Variants in TMEM232 observed in about 807,000 individuals in gnomAD.
TMEM232 encodes the protein transmembrane protein 232.
TMEM232 carries 80 observed loss-of-function variants against 78.8 expected under a neutral mutation model. The observed-to-expected ratio is 1.01, with a 90% confidence interval of 0.85 to 1.22. The LOEUF (loss-of-function observed/expected upper bound fraction) is 1.22, where lower values mean the gene tolerates loss of function less well. Among genes scored for constraint, TMEM232 ranks in the 50% most tolerant of loss-of-function variants. The pLI, the probability that TMEM232 is intolerant of heterozygous loss-of-function variation, is 0.00. For missense variants in TMEM232, 881 were observed against 742.2 expected (o/e 1.19, Z -2.17); for synonymous variants, 297 against 254.3 (o/e 1.17, Z -1.60).
At chr5:110,522,196 T>C (rs1317647242) in intron 12 of TMEM232, among the ~76,000 whole-genome samples, 2 of 152,198 alleles carry the variant, frequency 1.3e-5, no homozygotes, top group Non-Finnish European at 2.9e-5. Flanking sequence ...TAAATGTAAC[T>C]GTTTTCCTAA....
chr5:110,638,444 T>A, intron 4 of TMEM232, 89 bp from the exon 5 acceptor site: 1 of 1,260,878 alleles, frequency 7.9e-7, no homozygotes, highest in Admixed American at 2.8e-5. Flanking sequence ...TTATTTCCTG[T>A]CATTAAGACC....
At chr5:110,552,704 T>C (rs1774613871) in intron 11 of TMEM232, among the ~76,000 whole-genome samples, 1 of 152,116 alleles carries the variant, frequency 6.6e-6, no homozygotes, top group African/African-American at 2.4e-5. Flanking sequence ...TCAAGAGAAA[T>C]ATGAAACCTA....
At chr5:110,518,793 A>G (rs2149492695) in intron 12 of TMEM232, among the ~76,000 whole-genome samples, 1 of 152,334 alleles carries the variant, frequency 6.6e-6, no homozygotes, top group South Asian at 2.1e-4. Flanking sequence ...TGATTTAGAC[A>G]AATGCCAAGG....
intron 10 of TMEM232, among the ~76,000 whole-genome samples, chr5:110,580,944 T>C (rs926593055): frequency 1.4e-4 from 21 of 151,700 alleles, no homozygotes; most frequent in Non-Finnish European, 3.0e-4. Context: ...TACCTAGGAA[T>C]AGATCTAACC....
rs1230285778 is a variant in TMEM232, at chr5:110,523,966, A to AGGG, written c.1703+4619_1703+4621dup. Among the ~76,000 whole-genome samples, 62 of 41,218 alleles carry AGGG rather than the reference A, an allele frequency of 1.5e-3. 1 individual carries two copies. The highest frequency in any genetic ancestry group is 0.012 in the South Asian group (9 of 764). The allele number at this position is 41,218 out of a possible 152,430, so 27.0% of individuals were successfully genotyped here. A position where few individuals can be genotyped will look rare whatever the true frequency, so the allele number is the denominator to read the frequency against. ...AAAGACTTGGTTTAAAAAAAAAAAA[A>AGGG]GGGGGGGGGGCGGGGGGGCTGGGCC... On this transcript the variant is annotated intron_variant, in intron 12 of 13. Transcript: ENST00000455884.
At chr5:110,667,685 G>T (rs1040515737) in intron 1 of TMEM232, 3 of 163,864 alleles carry the variant, frequency 1.8e-5, no homozygotes, top group African/African-American at 7.2e-5. Context: ...CTGTGCCTCA[G>T]CTTCCTCACC....
At chr5:110,724,248 C>A (rs115885329) in intron 1 of TMEM232, among the ~76,000 whole-genome samples, 2,207 of 152,246 alleles carry the variant, frequency 0.014, 22 homozygotes, top group Non-Finnish European at 0.021. Context: ...TCTTCATATT[C>A]TCACCTCTCT....
chr5:110,575,507 T>C (rs1777471288), intron 10 of TMEM232, among the ~76,000 whole-genome samples: 1 of 151,964 alleles, frequency 6.6e-6, no homozygotes, highest in Non-Finnish European at 1.5e-5. Context: ...TAACTAAAAA[T>C]AATTATTGTG....
At chr5:110,483,094 C>T (rs10434731) in intron 12 of TMEM232, among the ~76,000 whole-genome samples, 14,736 of 151,804 alleles carry the variant, frequency 0.097, 867 homozygotes, top group South Asian at 0.19. Context: ...CTGCATAAAG[C>T]AGTAATTATA....
At chr5:110,553,772 CAG>C (rs1774741727) in intron 11 of TMEM232, among the ~76,000 whole-genome samples, 1 of 152,058 alleles carries the variant, frequency 6.6e-6, no homozygotes, top group Non-Finnish European at 1.5e-5. Context: ...GCAGTAGTGA[CAG>C]TGGGCATCCT....
At position 110,569,368 on chromosome 5, in the gene TMEM232, A is replaced by G. The variant is rs375907702; in HGVS notation, c.1277-743T>C. Among the ~76,000 whole-genome samples, 9 of 152,040 alleles carry G rather than the reference A, an allele frequency of 5.9e-5. 1 individual carries two copies. Among genetic ancestry groups the G allele is most frequent in the East Asian group, 5.8e-4 (3 of 5,164 alleles). On this transcript the variant is annotated intron_variant, in intron 10 of 13. Coordinates refer to ENST00000455884, the MANE Select transcript of TMEM232 (RefSeq NM_001039763.4). Reference sequence around the variant, plus strand: ...ACCTAGATATTGTATATTGCTATGCAGTAATAGGAAGAAAGAATTCCAATT... The same window carrying G: ...ACCTAGATATTGTATATTGCTATGCGGTAATAGGAAGAAAGAATTCCAATT...
At chr5:110,684,618 C>T in intron 1 of TMEM232, among the ~76,000 whole-genome samples, 1 of 152,088 alleles carries the variant, frequency 6.6e-6, no homozygotes, top group African/African-American at 2.4e-5. Flanking sequence ...TCGAGTTATT[C>T]TTTTTAACTA....
At position 110,420,481 on chromosome 5, in the gene TMEM232, A is replaced by C; in HGVS notation, c.*99T>G. On this transcript the variant is annotated 3_prime_UTR_variant, in exon 14 of 14. Transcript: ENST00000455884. ...CTAAACAATACCTCCATTTAATGAC[A>C]AGAAAGTTCTCTTACTATGTAGCTA... is the stretch of plus-strand genomic sequence containing the variant. 1 of 739,694 alleles carries C rather than the reference A, an allele frequency of 1.4e-6. No individual in the cohort carries two copies. The highest frequency in any genetic ancestry group is 1.9e-5 in the African/African-American group (1 of 53,466). The allele number at this position is 739,694 out of a possible 1,614,324, so 45.8% of individuals were successfully genotyped here.
chr5:110,719,821 G>A (rs1363693527), intron 1 of TMEM232, among the ~76,000 whole-genome samples: 2 of 152,068 alleles, frequency 1.3e-5, no homozygotes, highest in Non-Finnish European at 2.9e-5. Flanking sequence ...GTTAAACTGT[G>A]TGCCTCATTC....
downstream of TMEM232, among the ~76,000 whole-genome samples, chr5:110,415,379 G>T (rs977727817): frequency 6.6e-6 from 1 of 151,748 alleles, no homozygotes; most frequent in Non-Finnish European, 1.5e-5. Context: ...TAGTAGAGAT[G>T]GGGTTTCACT....
chr5:110,622,670 A>G (rs936162420), intron 7 of TMEM232, among the ~76,000 whole-genome samples: 28 of 152,114 alleles, frequency 1.8e-4, no homozygotes, highest in Non-Finnish European at 3.8e-4. Flanking sequence ...ATGTGTCTTT[A>G]TAGCAGCATG....
At chr5:110,694,329 A>G (rs910480247) in intron 1 of TMEM232, among the ~76,000 whole-genome samples, 2 of 152,214 alleles carry the variant, frequency 1.3e-5, no homozygotes, top group Non-Finnish European at 2.9e-5. Context: ...AGGAACAACC[A>G]GTACCAGCCA....
chr5:110,459,267 T>C (rs1409110812), intron 12 of TMEM232, among the ~76,000 whole-genome samples: 20 of 152,162 alleles, frequency 1.3e-4, no homozygotes, highest in Admixed American at 1.3e-3. Flanking sequence ...CTTTAGACTA[T>C]GTGGACAAAC....
At chr5:110,570,804 G>A (rs921016349) in intron 10 of TMEM232, among the ~76,000 whole-genome samples, 3 of 151,946 alleles carry the variant, frequency 2.0e-5, no homozygotes, top group African/African-American at 7.2e-5. Flanking sequence ...ACTCAGCAAA[G>A]GATTGCCATT....
Sources: gnomAD v4.1 joint callset for allele counts (sites outside exome capture counted in the v4.1 genomes callset) on GRCh38, gnomAD v4.1.1 for gene constraint, MANE v1.5 for transcripts, NCBI Gene and HGNC (gene_info 2026-07-23, HGNC 2026-07-21) for gene names.